The following FHIT variants were observed in gnomAD, a reference collection of about 807,000 sequenced individuals.
FHIT encodes the protein bis(5'-adenosyl)-triphosphatase.
FHIT carries 19 observed loss-of-function variants against 17.9 expected under a neutral mutation model. The ratio of observed to expected loss-of-function variants is 1.06; its 90% CI spans 0.74 to 1.56. FHIT has a LOEUF of 1.56. Ranked by LOEUF, FHIT falls within the 40% of genes most tolerant of loss-of-function variation. FHIT has a pLI of 0.00. For synonymous variants in FHIT, 81 were observed against 69.7 expected, an observed-to-expected ratio of 1.16 and a Z score of -0.81; for missense variants, 248 against 189.2, an observed-to-expected ratio of 1.31 and a Z score of -1.82.
intron 3 of FHIT, among the ~76,000 whole-genome samples, chr3:60,913,349 C>CT (rs1706839392): frequency 6.6e-6 from 1 of 152,186 alleles, no homozygotes; most frequent in Admixed American, 6.5e-5. Context: ...AATGGATGGG[C>CT]TTGCCTGTTT....
intron 8 of FHIT, among the ~76,000 whole-genome samples, chr3:59,914,745 C>T (rs1242992684): frequency 6.6e-6 from 1 of 151,810 alleles, no homozygotes; most frequent in Non-Finnish European, 1.5e-5. Flanking sequence ...CGTGTCAATG[C>T]TTAATTCATA....
chr3:60,366,201 A>G (rs1424665963), intron 5 of FHIT, among the ~76,000 whole-genome samples: 1 of 152,168 alleles, frequency 6.6e-6, no homozygotes, highest in Admixed American at 6.5e-5. Flanking sequence ...TTTGAGATGG[A>G]GTCTCACTCT....
intron 5 of FHIT, among the ~76,000 whole-genome samples, chr3:60,405,151 C>T (rs766536734): frequency 1.3e-5 from 2 of 152,144 alleles, no homozygotes; most frequent in Non-Finnish European, 2.9e-5. Flanking sequence ...GCCTGAAAGC[C>T]TAGCTACAAG....
At chr3:60,470,063 TC>T (rs2033011083) in intron 5 of FHIT, among the ~76,000 whole-genome samples, 3 of 124,848 alleles carry the variant, frequency 2.4e-5, no homozygotes, top group Admixed American at 7.5e-5. Flanking sequence ...TTTCTTTCTC[TC>T]TCTCTCTCTC....
chr3:60,081,177 A>C (rs2107041749), intron 5 of FHIT, among the ~76,000 whole-genome samples: 1 of 152,256 alleles, frequency 6.6e-6, no homozygotes, highest in Admixed American at 6.5e-5. Flanking sequence ...GGGGTTATTT[A>C]AAATGCAGAT....
chr3:60,486,930 A>T (rs935337270), intron 5 of FHIT, among the ~76,000 whole-genome samples: 3 of 152,204 alleles, frequency 2.0e-5, no homozygotes, highest in African/African-American at 7.2e-5. Context: ...TCAATTTTTC[A>T]ACAACTTTGG....
In FHIT at chr3:59,923,328, C is replaced by A. The variant is rs193175361; in HGVS notation, c.280-914G>T. 1.9e-4 allele frequency among the ~76,000 whole-genome samples: 29 copies of A among 150,854 alleles called. No homozygotes were observed. In the East Asian group the frequency reaches 5.3e-3, roughly 28 times the overall value. ...AATGTTCGGTGAGGACAGGGCGCCA[C>A]AGGAAGTAAAAGTCAGCACCGGAAA... On this transcript the variant is annotated intron_variant, in intron 7 of 9. Coordinates refer to ENST00000492590, the MANE Select transcript of FHIT (RefSeq NM_002012.4).
chr3:60,409,919 A>G (rs531211104), intron 5 of FHIT, among the ~76,000 whole-genome samples: 24 of 152,318 alleles, frequency 1.6e-4, no homozygotes, highest in Non-Finnish European at 4.4e-5. Flanking sequence ...CCATCTGTTT[A>G]AAAGCTTATA....
At chr3:61,070,458 T>G (rs1181590288) in intron 2 of FHIT, among the ~76,000 whole-genome samples, 2 of 152,122 alleles carry the variant, frequency 1.3e-5, no homozygotes, top group Non-Finnish European at 2.9e-5. Flanking sequence ...TGAAAATCAC[T>G]CAAAAGACCC....
At chr3:60,718,504 TA>T (rs1213317189) in intron 4 of FHIT, among the ~76,000 whole-genome samples, 5 of 152,172 alleles carry the variant, frequency 3.3e-5, no homozygotes, top group African/African-American at 4.8e-5. Flanking sequence ...ACATGTATTT[TA>T]ACAATTGTAA....
chr3:60,379,646 A>C (rs1353362164), intron 5 of FHIT, among the ~76,000 whole-genome samples: 2 of 152,186 alleles, frequency 1.3e-5, no homozygotes, highest in African/African-American at 2.4e-5. Context: ...TTGTTAAGCC[A>C]TTAGGGCACA....
chr3:60,011,473 C>A (rs1700137917), intron 6 of FHIT, 73 bp from the exon 7 acceptor site: 2 of 1,254,920 alleles, frequency 1.6e-6, no homozygotes, highest in Non-Finnish European at 1.2e-6. Context: ...AAATATCACC[C>A]ATTAATAATT....
intron 3 of FHIT, among the ~76,000 whole-genome samples, chr3:60,939,548 C>A (rs1553773982): frequency 6.6e-6 from 1 of 152,114 alleles, no homozygotes; most frequent in East Asian, 1.9e-4. Context: ...ACAAGCAGAT[C>A]TGCATTTAAA....
At chr3:60,297,914 G>A (rs1477147078) in intron 5 of FHIT, among the ~76,000 whole-genome samples, 1 of 152,068 alleles carries the variant, frequency 6.6e-6, no homozygotes, top group East Asian at 1.9e-4. Context: ...TGTGAAGTGT[G>A]GTTCTGACTG....
intron 5 of FHIT, among the ~76,000 whole-genome samples, chr3:60,459,566 G>A (rs1002751624): frequency 1.3e-5 from 2 of 152,116 alleles, no homozygotes; most frequent in Non-Finnish European, 2.9e-5. Flanking sequence ...ACCACAATAA[G>A]CTGCCAAAAA....
intron 7 of FHIT, among the ~76,000 whole-genome samples, chr3:59,988,892 G>A (rs1014994063): frequency 1.3e-5 from 2 of 152,118 alleles, no homozygotes; most frequent in African/African-American, 4.8e-5. Context: ...AGGACAGGTA[G>A]TATTTGCTGA....
chr3:59,883,498 T>C (rs1345137826), intron 8 of FHIT, among the ~76,000 whole-genome samples: 1 of 152,200 alleles, frequency 6.6e-6, no homozygotes, highest in Non-Finnish European at 1.5e-5. Flanking sequence ...TTCAGGAGAC[T>C]TATTCACTAC....
At chr3:60,224,177 AT>A (rs930359516) in intron 5 of FHIT, among the ~76,000 whole-genome samples, 5 of 152,054 alleles carry the variant, frequency 3.3e-5, no homozygotes, top group Non-Finnish European at 5.9e-5. Flanking sequence ...AGGAGTACCG[AT>A]TTTATCCCCC....
chr3:60,904,480 CA>C (rs36117889), intron 3 of FHIT, among the ~76,000 whole-genome samples: 97,593 of 136,348 alleles, frequency 0.72, 33,569 homozygotes, highest in East Asian at 0.89. Flanking sequence ...AATCCAAATG[CA>C]AAAAAAAAAA....
Sources: gnomAD v4.1 joint callset for allele counts (sites outside exome capture counted in the v4.1 genomes callset) on GRCh38, gnomAD v4.1.1 for gene constraint, MANE v1.5 for transcripts, NCBI Gene and HGNC (gene_info 2026-07-23, HGNC 2026-07-21) for gene names.